GPC6: variants seen among roughly 807,000 people sequenced by gnomAD.
GPC6 encodes glypican 6, also known as glypican-6.
Under a neutral mutation model 55.2 loss-of-function variants are expected in GPC6, and 14 were observed. The observed-to-expected ratio is 0.25, with a 90% CI of 0.17 to 0.40. GPC6 has a LOEUF of 0.40. Ranked by LOEUF, GPC6 falls within the 10% of genes least tolerant of loss-of-function variation. The probability of loss-of-function intolerance (pLI) is 1.00; values close to 1 mark genes in which losing one functional copy is unlikely to be tolerated. For synonymous variants in GPC6, 278 were observed against 259.6 expected (o/e 1.07, Z -0.68); for missense variants, 641 against 708.5 (o/e 0.90, Z 1.08).
In GPC6 at chr13:93,636,309, A is replaced by G. The variant is rs1003826697; in HGVS notation, c.319+90888A>G. Among the ~76,000 whole-genome samples, 3 of 152,338 alleles carry G rather than the reference A, an allele frequency of 2.0e-5. No homozygotes were observed. The South Asian group carries it at 6.2e-4, about 32-fold the overall frequency. The stretch of plus-strand genomic sequence containing the variant: ...AAGCATTGTTGGGATGAAATAAACA[A>G]TAAATAATGGAAAACAAAACAATTG... On this transcript the variant is annotated intron_variant, in intron 2 of 8. Transcript: ENST00000377047.
chr13:93,865,723 A>T lies in GPC6; in HGVS notation c.711+35178A>T, dbSNP rs189606170. 4.2e-3 allele frequency among the ~76,000 whole-genome samples: 635 copies of T among 151,826 alleles called. 14 individuals are homozygous for T. The highest frequency in any genetic ancestry group is 6.6e-3 in the South Asian group (32 of 4,824). ...TGCAACTTTCTTTTTAACTAATTCA[A>T]CATGTTTTCATTGCCTATGGGAAAG... On this transcript the variant is annotated intron_variant, in intron 3 of 8. Transcript: ENST00000377047.
intron 2 of GPC6, among the ~76,000 whole-genome samples, chr13:93,823,899 C>T (rs1373348877): frequency 6.6e-6 from 1 of 152,040 alleles, no homozygotes; most frequent in East Asian, 1.9e-4. Flanking sequence ...TAAAAACATA[C>T]ACCTACACAC....
intron 1 of GPC6, among the ~76,000 whole-genome samples, chr13:93,531,807 G>T (rs187614738): frequency 6.6e-6 from 1 of 152,170 alleles, no homozygotes; most frequent in East Asian, 1.9e-4. Context: ...TTCATACATA[G>T]TCACAATTAT....
chr13:93,917,990 G>T (rs780054812), intron 3 of GPC6, among the ~76,000 whole-genome samples: 4 of 151,880 alleles, frequency 2.6e-5, no homozygotes, highest in African/African-American at 4.8e-5. Flanking sequence ...CCAGCTACTC[G>T]GGAGGCTGAG....
intron 4 of GPC6, among the ~76,000 whole-genome samples, chr13:94,073,300 A>C (rs1299687960): frequency 2.6e-5 from 4 of 152,214 alleles, no homozygotes; most frequent in Non-Finnish European, 4.4e-5. Flanking sequence ...GAAATGTGCA[A>C]GCTTCTTTAC....
chr13:93,820,984 T>C (rs1566551803), intron 2 of GPC6, among the ~76,000 whole-genome samples: 3 of 152,194 alleles, frequency 2.0e-5, no homozygotes, highest in African/African-American at 7.2e-5. Flanking sequence ...ATGAGAGAGT[T>C]GGCAGACTAA....
At chr13:93,555,561 G>A (rs1250188751) in intron 2 of GPC6, among the ~76,000 whole-genome samples, 2 of 152,110 alleles carry the variant, frequency 1.3e-5, no homozygotes, top group African/African-American at 4.8e-5. Context: ...ATTCATATGT[G>A]ATATCAGCAG....
intron 3 of GPC6, among the ~76,000 whole-genome samples, chr13:93,944,798 G>A (rs1275974468): frequency 6.6e-6 from 1 of 152,182 alleles, no homozygotes; most frequent in Non-Finnish European, 1.5e-5. Context: ...TGAATAGTAG[G>A]TGTATCGGAA....
At chr13:93,654,865 C>T (rs1424689708) in intron 2 of GPC6, among the ~76,000 whole-genome samples, 1 of 144,392 alleles carries the variant, frequency 6.9e-6, no homozygotes, top group Non-Finnish European at 1.5e-5. Context: ...GAGATGGAGT[C>T]TCGCTTTGTG....
rs545755662 is a variant in GPC6 at position 94,097,602 on chromosome 13, A to T, written c.877+69708A>T. Among the ~76,000 whole-genome samples, 382 of 152,264 alleles carry T rather than the reference A, an allele frequency of 2.5e-3. 2 individuals carry two copies. The highest frequency in any genetic ancestry group is 8.9e-3 in the African/African-American group (370 of 41,566). On this transcript the variant is annotated intron_variant, in intron 4 of 8. Coordinates refer to ENST00000377047, the MANE Select transcript of GPC6 (RefSeq NM_005708.5). ...AAAAGTTCTGGAGATCTGTCTCACA[A>T]CAATGTGAATATACTTAACACTACT...
intron 1 of GPC6, among the ~76,000 whole-genome samples, chr13:93,411,775 T>G (rs934626586): frequency 2.0e-5 from 3 of 151,860 alleles, no homozygotes; most frequent in African/African-American, 7.3e-5. Flanking sequence ...TCGAGGTGGG[T>G]CTATCACCTG....
At chr13:93,750,062 GACAA>G (rs1276217518) in intron 2 of GPC6, among the ~76,000 whole-genome samples, 1 of 152,142 alleles carries the variant, frequency 6.6e-6, no homozygotes, top group African/African-American at 2.4e-5. Context: ...CCTAATAAAT[GACAA>G]ACAGACTTAG....
chr13:94,182,465 A>G (rs1365563706), intron 4 of GPC6, among the ~76,000 whole-genome samples: 2 of 152,158 alleles, frequency 1.3e-5, no homozygotes, highest in African/African-American at 2.4e-5. Context: ...TAAGGAGAAC[A>G]CTTTATGTTT....
intron 6 of GPC6, among the ~76,000 whole-genome samples, chr13:94,308,770 A>G (rs985513239): frequency 2.0e-5 from 3 of 152,320 alleles, no homozygotes; most frequent in African/African-American, 7.2e-5. Flanking sequence ...TCCTGAGAAC[A>G]AGGCACTGTT....
intron 1 of GPC6, among the ~76,000 whole-genome samples, chr13:93,428,124 G>C (rs1198856257): frequency 6.6e-6 from 1 of 151,938 alleles, no homozygotes; most frequent in East Asian, 1.9e-4. Flanking sequence ...ATTAAATTGA[G>C]GGCCCAATAC....
chr13:93,434,277 C>G (rs374662582), intron 1 of GPC6, among the ~76,000 whole-genome samples: 10 of 152,178 alleles, frequency 6.6e-5, no homozygotes, highest in African/African-American at 2.4e-4. Context: ...CTACATAGCA[C>G]AGCCTATAGA....
At chr13:93,470,449 T>G (rs1179184657) in intron 1 of GPC6, among the ~76,000 whole-genome samples, 1 of 152,158 alleles carries the variant, frequency 6.6e-6, no homozygotes, top group Non-Finnish European at 1.5e-5. Flanking sequence ...TGGTCTGGCC[T>G]TGCATTACCT....
At chr13:93,798,081 C>A (rs1459435225) in intron 2 of GPC6, among the ~76,000 whole-genome samples, 2 of 151,992 alleles carry the variant, frequency 1.3e-5, no homozygotes, top group Admixed American at 6.6e-5. Context: ...TTACAAGGGG[C>A]AAGCTAGAGT....
At chr13:93,684,673 C>T (rs902910810) in intron 2 of GPC6, among the ~76,000 whole-genome samples, 48 of 152,014 alleles carry the variant, frequency 3.2e-4, no homozygotes, top group African/African-American at 1.1e-3. Flanking sequence ...CCTTTATATT[C>T]CCAGCTCTAA....
Sources: allele counts gnomAD v4.1 joint callset (sites outside exome capture counted in the v4.1 genomes callset), GRCh38; gene constraint gnomAD v4.1.1; transcripts MANE v1.5; gene names NCBI Gene and HGNC (gene_info 2026-07-23, HGNC 2026-07-21).